Variants in EDC4 observed in about 807,000 individuals in gnomAD.
The protein encoded by EDC4 is enhancer of mRNA-decapping protein 4.
Under a neutral mutation model 155.8 loss-of-function variants are expected in EDC4, and 64 were observed. The ratio of observed to expected loss-of-function variants is 0.41; its 90% CI spans 0.34 to 0.51. The LOEUF is 0.51. Among genes scored for constraint, EDC4 ranks in the 20% least tolerant of loss-of-function variants. The probability of loss-of-function intolerance (pLI) is 0.19; values close to 1 mark genes in which losing one functional copy is unlikely to be tolerated. For synonymous variants in EDC4, 684 were observed against 716.8 expected, an observed-to-expected ratio of 0.95 and a Z score of 0.73; for missense variants, 1,303 against 1,812.5, an observed-to-expected ratio of 0.72 and a Z score of 5.10.
Position 67,876,464 on chromosome 16 carries a change from A to C in EDC4, c.240-24A>C. The C allele has an allele frequency of 6.2e-7, 1 of 1,611,494 alleles. No homozygotes were observed. Among genetic ancestry groups the C allele is most frequent in the South Asian group, 1.1e-5 (1 of 90,950 alleles). ...TGAGCCTTTGGGTGAACAAGAGGCA[A>C]AGTTTTTGCACTCTTCCCCACAGCT... On this transcript the variant is annotated intron_variant, in intron 2 of 28. Transcript: ENST00000358933. The surrounding 1 kb of genome is among the most constrained non-coding windows in gnomAD (Gnocchi z 5.8).
At position 67,883,111 on chromosome 16, in the gene EDC4, C is replaced by T. The variant is rs766604561; in HGVS notation, c.3783C>T (p.Cys1261=). The T allele has an allele frequency of 1.4e-5, 23 of 1,610,122 alleles. No homozygotes were observed. Among genetic ancestry groups the T allele is most frequent in the East Asian group, 2.2e-5 (1 of 44,812 alleles). The change falls in exon 27 of 29, where the codon TGC becomes TGT. Residue 1261 remains cysteine (C), a synonymous_variant. Transcript: ENST00000358933. This position sits in a 1 kb window ranked among gnomAD's most constrained non-coding sequence, Gnocchi z 5.3. ...GTPVPSAHLD[C]QAQQAHILQL... ...CTGTCCCCTCTGCCCACCTTGACTGCCAGGCCCAGCAAGCCCATATCCTGC... is the reference window on the plus strand; with the variant it reads ...CTGTCCCCTCTGCCCACCTTGACTGTCAGGCCCAGCAAGCCCATATCCTGC...
chr16:67,879,057 G>A lies in EDC4; in HGVS notation c.1388G>A (p.Gly463Asp), dbSNP rs2058053520. Residue 463 changes from glycine to aspartate, a missense_variant, in exon 12 of 29, where the codon GGT becomes GAT. Physicochemically the swap from Gly to Asp is moderately conservative, Grantham distance 94. Around this residue, in one of 5 missense-constraint regions of EDC4, gnomAD observed 235 missense variants for 367.7 expected, o/e 0.64. Coordinates refer to ENST00000358933, the MANE Select transcript of EDC4 (RefSeq NM_014329.5). This position sits in a 1 kb window ranked among gnomAD's most constrained non-coding sequence, Gnocchi z 6.0. ...FLLTHPVLSF[G>D]IQVVSRCRLR... Reference sequence around the variant, plus strand: ...CTCACCCACCCTGTGCTGAGCTTTGGTATCCAGGTTGTGAGTCGCTGCCGG... The same window carrying A: ...CTCACCCACCCTGTGCTGAGCTTTGATATCCAGGTTGTGAGTCGCTGCCGG... The A allele has an allele frequency of 6.2e-7, 1 of 1,613,200 alleles. No individual in the cohort carries two copies. Among genetic ancestry groups the A allele is most frequent in the African/African-American group, 1.3e-5 (1 of 74,940 alleles).
rs1251632225 is a variant in EDC4 at position 67,882,219 on chromosome 16, A to G, written c.3168A>G (p.Ser1056=). Residue 1056 remains serine (S), a synonymous_variant, in exon 24 of 29, where the codon TCA becomes TCG. Coordinates refer to ENST00000358933, the MANE Select transcript of EDC4 (RefSeq NM_014329.5). This position sits in a 1 kb window ranked among gnomAD's most constrained non-coding sequence, Gnocchi z 7.2. ...CCTCTTCCCCTCTCCCAGGTGTCTC[A>G]AGGAGTCTGGAGCCTATGGCAGGCC... is the stretch of plus-strand genomic sequence containing the variant. ...EIKKTVPPCV[S]RSLEPMAGQL... 2 of 1,613,622 alleles carry G rather than the reference A, an allele frequency of 1.2e-6. No homozygotes were observed. The highest frequency in any genetic ancestry group is 1.7e-6 in the Non-Finnish European group (2 of 1,179,832).
rs369065361 is a variant in EDC4 at position 67,878,717 on chromosome 16, T to C, written c.1185-20T>C. 2 of 1,614,082 alleles carry C rather than the reference T, an allele frequency of 1.2e-6. No individual in the cohort carries two copies. Among genetic ancestry groups the C allele is most frequent in the African/African-American group, 2.7e-5 (2 of 74,930 alleles). ...TCCTTCAGTTCTCAGGCTCATTCAC[T>C]CTGCTTTGTGGCTCTCTAGCTTCTC... is the stretch of plus-strand genomic sequence containing the variant. On this transcript the variant is annotated intron_variant, in intron 10 of 28. Coordinates refer to ENST00000358933, the MANE Select transcript of EDC4 (RefSeq NM_014329.5). This position sits in a 1 kb window ranked among gnomAD's most constrained non-coding sequence, Gnocchi z 5.2.
chr16:67,875,703 C>A, intron 1 of EDC4: 1 of 1,316,404 alleles, frequency 7.6e-7, no homozygotes, highest in Non-Finnish European at 9.7e-7. Context: ...TCACTGCCCT[C>A]AAAGGGTCCT....
At position 67,877,835 on chromosome 16, in the gene EDC4, G is replaced by C; in HGVS notation, c.884G>C (p.Gly295Ala). The C allele has an allele frequency of 1.9e-6, 3 of 1,614,052 alleles. No individual in the cohort carries two copies. Among genetic ancestry groups the C allele is most frequent in the Non-Finnish European group, 2.5e-6 (3 of 1,180,030 alleles). The stretch of plus-strand genomic sequence containing the variant: ...AAGCAGGGCTTCATTGTGGTAAAAG[G>C]TCATAGCACGGTAAGCCTGTGACTG... ...QIKQGFIVVK[G>A]HSTCLSEGAL... The change falls in exon 7 of 29, where the codon GGT becomes GCT. Residue 295 changes from glycine (G) to alanine (A), a missense_variant. Coordinates refer to ENST00000358933, the MANE Select transcript of EDC4 (RefSeq NM_014329.5). The surrounding 1 kb of genome is among the most constrained non-coding windows in gnomAD (Gnocchi z 4.9).
At position 67,883,009 on chromosome 16, in the gene EDC4, G is replaced by A; in HGVS notation, c.3681G>A (p.Val1227=). 2.5e-6 allele frequency: 4 copies of A among 1,614,116 alleles called. No individual in the cohort carries two copies. The highest frequency in any genetic ancestry group is 2.2e-5 in the East Asian group (1 of 44,888). ...TACAGCGCATCGTTAAGGGTGAGGT[G>A]AGTGTGGCGCTCAAGGAGCAGCAGG... The part of the protein sequence containing the change: ...AQVQRIVKGE[V]SVALKEQQAA... The change falls in exon 27 of 29, where the codon GTG becomes GTA. Residue 1227 remains valine, a synonymous_variant. Transcript: ENST00000358933. The surrounding 1 kb of genome is among the most constrained non-coding windows in gnomAD (Gnocchi z 5.3).
Position 67,881,075 on chromosome 16 carries a change from G to A in EDC4, c.2532-1G>A, listed in dbSNP as rs770344807. On this transcript the variant is annotated splice_acceptor_variant, in intron 18 of 28. Coordinates refer to ENST00000358933, the MANE Select transcript of EDC4 (RefSeq NM_014329.5). LOFTEE classifies it high-confidence loss of function. This position sits in a 1 kb window ranked among gnomAD's most constrained non-coding sequence, Gnocchi z 5.4. ...ATGGCTAAGTTGGCCTGTCCTCCCA[G>A]CCCCAGGAATGGCCTTCAGGAAAAG... 5.0e-6 allele frequency: 8 copies of A among 1,614,058 alleles called. No individual in the cohort carries two copies. Among genetic ancestry groups the A allele is most frequent in the Non-Finnish European group, 6.8e-6 (8 of 1,180,026 alleles).
Position 67,880,218 on chromosome 16 carries a change from T to A in EDC4, c.2097+2T>A, listed in dbSNP as rs1346720942. 6.3e-7 allele frequency: 1 copy of A among 1,599,758 alleles called. No homozygotes were observed. The highest frequency in any genetic ancestry group is 8.5e-7 in the Non-Finnish European group (1 of 1,174,768). On this transcript the variant is annotated splice_donor_variant, in intron 17 of 28. Transcript: ENST00000358933. LOFTEE classifies it high-confidence loss of function. This position sits in a 1 kb window ranked among gnomAD's most constrained non-coding sequence, Gnocchi z 5.2. ...CTGACTCCCAAGGGGCCGGGCCAGG[T>A]GTGTGACTGGGTGTGTGTGTGAAGT... is the stretch of plus-strand genomic sequence containing the variant.
In EDC4 at chr16:67,881,752, C is replaced by A. The variant is rs920558552; in HGVS notation, c.2911C>A (p.Leu971Met). ...AGAGCTGCGGCACAGCCAGGAAGAG[C>A]TGCTGCAGCGTCTGTGTACCCAACT... ...LAELRHSQEE[L>M]LQRLCTQLEG... The change falls in exon 22 of 29, where the codon CTG (leucine) becomes ATG (methionine). Residue 971 changes from leucine (L) to methionine (M), a missense_variant. Leu to Met is a conservative substitution (Grantham distance 15). This residue lies in a region of EDC4 where 527 missense variants were observed against 757.0 expected (regional missense o/e 0.70). Coordinates refer to ENST00000358933, the MANE Select transcript of EDC4 (RefSeq NM_014329.5). This position sits in a 1 kb window ranked among gnomAD's most constrained non-coding sequence, Gnocchi z 5.4. 1 of 1,614,010 alleles carries A rather than the reference C, an allele frequency of 6.2e-7. No individual in the cohort carries two copies. The highest frequency in any genetic ancestry group is 8.5e-7 in the Non-Finnish European group (1 of 1,180,022).
chr16:67,874,848 G>A (rs1456347256), intron 1 of EDC4, among the ~76,000 whole-genome samples: 1 of 152,138 alleles, frequency 6.6e-6, no homozygotes, highest in Non-Finnish European at 1.5e-5. Flanking sequence ...TTGGGAGGCC[G>A]AGGTGGGTGG....
chr16:67,880,100 C>A lies in EDC4; in HGVS notation c.1981C>A (p.Leu661Met). The A allele has an allele frequency of 1.2e-6, 2 of 1,611,780 alleles. No homozygotes were observed. Among genetic ancestry groups the A allele is most frequent in the Non-Finnish European group, 8.5e-7 (1 of 1,178,702 alleles). ...EELTLSPKLQ[L>M]DGSLTMSSSG... ...GCTGACCTTGAGCCCCAAGCTGCAG[C>A]TGGATGGCAGCCTGACAATGAGCAG... is the stretch of plus-strand genomic sequence containing the variant. Residue 661 changes from leucine (L) to methionine (M), a missense_variant, in exon 17 of 29, where the codon CTG becomes ATG. Leu to Met is a conservative substitution (Grantham distance 15, BLOSUM62 2). Coordinates refer to ENST00000358933, the MANE Select transcript of EDC4 (RefSeq NM_014329.5). This position sits in a 1 kb window ranked among gnomAD's most constrained non-coding sequence, Gnocchi z 5.2.
chr16:67,881,220 G>A lies in EDC4; in HGVS notation c.2636+40G>A. Reference sequence around the variant, plus strand: ...ACACCATTGCCCTCATGGGGGGATGGGCAGCAAGTGGGCAGGGGCTTACTC... The same window carrying A: ...ACACCATTGCCCTCATGGGGGGATGAGCAGCAAGTGGGCAGGGGCTTACTC... On this transcript the variant is annotated intron_variant, in intron 19 of 28. Coordinates refer to ENST00000358933, the MANE Select transcript of EDC4 (RefSeq NM_014329.5). This position sits in a 1 kb window ranked among gnomAD's most constrained non-coding sequence, Gnocchi z 5.4. 6.2e-7 allele frequency: 1 copy of A among 1,613,972 alleles called. No homozygotes were observed. The highest frequency in any genetic ancestry group is 8.5e-7 in the Non-Finnish European group (1 of 1,179,974).
Position 67,883,923 on chromosome 16 carries a change from A to G in EDC4, c.4014-33A>G, listed in dbSNP as rs1598179762. On this transcript the variant is annotated intron_variant, in intron 28 of 28. Transcript: ENST00000358933. This position sits in a 1 kb window ranked among gnomAD's most constrained non-coding sequence, Gnocchi z 5.3. ...GGGGCGCTCCCGTCTGCTGGCACCC[A>G]CCTGTAGCCTGTCCTTTCCCCCCCA... is the stretch of plus-strand genomic sequence containing the variant. 3 of 1,562,584 alleles carry G rather than the reference A, an allele frequency of 1.9e-6. No homozygotes were observed. The highest frequency in any genetic ancestry group is 1.8e-5 in the Admixed American group (1 of 54,894).
chr16:67,873,363 G>A lies in EDC4; in HGVS notation c.82+20G>A, dbSNP rs763168311. ...CGGGCGGTGAGCGGGGGTTGCGGGG[G>A]TGGGCCCCAGGCGAGCTGACAAAAG... On this transcript the variant is annotated intron_variant, in intron 1 of 28. Coordinates refer to ENST00000358933, the MANE Select transcript of EDC4 (RefSeq NM_014329.5). 2.8e-6 allele frequency: 4 copies of A among 1,431,990 alleles called. No individual in the cohort carries two copies. The highest frequency in any genetic ancestry group is 3.0e-5 in the East Asian group (1 of 33,396). 88.7% of individuals were successfully genotyped at this position (1,431,990 alleles called of 1,614,324 possible).
Position 67,873,202 on chromosome 16 carries a change from C to A in EDC4, c.-60C>A. On this transcript the variant is annotated 5_prime_UTR_variant, in exon 1 of 29. Transcript: ENST00000358933. ...GCCCCGTGGCGGGTGAGCGAGGGTG[C>A]GTGGTGCGCGGCGGCGGCGGAACGA... 1 of 1,249,436 alleles carries A rather than the reference C, an allele frequency of 8.0e-7. No individual in the cohort carries two copies. Among genetic ancestry groups the A allele is most frequent in the South Asian group, 1.8e-5 (1 of 56,092 alleles). 77.4% of individuals were successfully genotyped at this position (1,249,436 alleles called of 1,614,324 possible).
At chr16:67,875,358 T>C (rs2058037110) in intron 1 of EDC4, among the ~76,000 whole-genome samples, 1 of 152,214 alleles carries the variant, frequency 6.6e-6, no homozygotes, top group Admixed American at 6.5e-5. Context: ...GGAGCCCATC[T>C]TCTCTCCAAA....
chr16:67,878,293 G>A lies in EDC4; in HGVS notation c.1004+18G>A, dbSNP rs139363687. 64 of 1,614,170 alleles carry A rather than the reference G, an allele frequency of 4.0e-5. No individual in the cohort carries two copies. The African/African-American group carries it at 7.5e-4, about 19-fold the overall frequency. On this transcript the variant is annotated intron_variant, in intron 8 of 28. Transcript: ENST00000358933. The surrounding 1 kb of genome is among the most constrained non-coding windows in gnomAD (Gnocchi z 5.2). Reference sequence around the variant, plus strand: ...GAGCCAAGGTAAGGCAGGGCCTCAGGGACCAGGATCCTCCCGAGGTAGCCC... The same window carrying A: ...GAGCCAAGGTAAGGCAGGGCCTCAGAGACCAGGATCCTCCCGAGGTAGCCC...
chr16:67,883,741 G>A lies in EDC4; in HGVS notation c.4013+10G>A, dbSNP rs757689891. 6 of 1,613,744 alleles carry A rather than the reference G, an allele frequency of 3.7e-6. No individual in the cohort carries two copies. Among genetic ancestry groups the A allele is most frequent in the Non-Finnish European group, 4.2e-6 (5 of 1,179,836 alleles). ...CTGACCTCAAGCTCAGGTAAGTGGG[G>A]ACAGCCAGGGATGGGGAGATGAGCT... On this transcript the variant is annotated intron_variant, in intron 28 of 28. Coordinates refer to ENST00000358933, the MANE Select transcript of EDC4 (RefSeq NM_014329.5). The surrounding 1 kb of genome is among the most constrained non-coding windows in gnomAD (Gnocchi z 5.3).
Sources: gnomAD v4.1 joint callset for allele counts (sites outside exome capture counted in the v4.1 genomes callset) on GRCh38, gnomAD v4.1.1 for gene constraint, gnomAD v4.1.1 regional missense constraint, Gnocchi (gnomAD v3.1) non-coding constraint, MANE v1.5 for transcripts, NCBI Gene and HGNC (gene_info 2026-07-23, HGNC 2026-07-21) for gene names.